The following CFAP47 variants were observed in gnomAD, a reference collection of about 807,000 sequenced individuals.
The protein encoded by CFAP47 is cilia- and flagella-associated protein 47.
CFAP47 carries 29 observed loss-of-function variants against 148.1 expected under a neutral mutation model. The ratio of observed to expected loss-of-function variants is 0.20; its 90% CI spans 0.15 to 0.27. CFAP47 has a LOEUF of 0.27. CFAP47 is among the 10% of genes least tolerant of loss of function. CFAP47 has a pLI of 1.00. For missense variants in CFAP47, 1,872 were observed against 1,697.5 expected (o/e 1.10, Z -1.81); for synonymous variants, 664 against 577.3 (o/e 1.15, Z -2.15).
At chrX:36,368,442 C>T (rs932934645) in intron 62 of CFAP47, among the ~76,000 whole-genome samples, 1 of 110,656 alleles carries the variant, frequency 9.0e-6, no homozygotes, top group Non-Finnish European at 1.9e-5. Context: ...GAGGTAAAGT[C>T]AGTTAAATTT....
At chrX:36,078,815 C>T (rs989660150) in intron 29 of CFAP47, among the ~76,000 whole-genome samples, 21 of 110,458 alleles carry the variant, frequency 1.9e-4, no homozygotes, top group South Asian at 3.9e-4. Flanking sequence ...TGGCTGGTAC[C>T]GGTTGTTCCT....
At chrX:36,347,346 G>A (rs188051633) in intron 57 of CFAP47, among the ~76,000 whole-genome samples, 1 of 112,033 alleles carries the variant, frequency 8.9e-6, no homozygotes, top group Admixed American at 9.4e-5. Context: ...GTATAAATTA[G>A]CTCAACCTTT....
intron 7 of CFAP47, 122 bp downstream of exon 7, chrX:35,953,841 A>T (rs759664415): frequency 2.2e-4 from 105 of 484,253 alleles, no homozygotes; most frequent in Middle Eastern, 2.0e-3. Context: ...AAAAAAAAGC[A>T]AACATGTTCA....
chrX:36,208,582 C>T (rs782388756), intron 45 of CFAP47, among the ~76,000 whole-genome samples: 7 of 111,564 alleles, frequency 6.3e-5, no homozygotes, highest in East Asian at 2.8e-4. Context: ...TCTCATTTTA[C>T]GAAGATTAAA....
intron 30 of CFAP47, among the ~76,000 whole-genome samples, chrX:36,086,061 G>T (rs1255248639): frequency 9.0e-6 from 1 of 111,687 alleles, no homozygotes; most frequent in Non-Finnish European, 1.9e-5. Flanking sequence ...CAATTTATGG[G>T]TACTGTGGAC....
At chrX:36,146,716 A>T (rs1939237822) in intron 36 of CFAP47, among the ~76,000 whole-genome samples, 1 of 111,147 alleles carries the variant, frequency 9.0e-6, no homozygotes, top group African/African-American at 3.3e-5. Flanking sequence ...CAACCCTATC[A>T]ATGTTACAGA....
chrX:36,125,495 A>C (rs1301360144), intron 33 of CFAP47, among the ~76,000 whole-genome samples: 1 of 112,141 alleles, frequency 8.9e-6, no homozygotes, highest in Non-Finnish European at 1.9e-5. Flanking sequence ...AAAAAATCAA[A>C]AGAATTATAA....
chrX:36,141,805 G>A (rs184513547), intron 35 of CFAP47, among the ~76,000 whole-genome samples: 29 of 106,151 alleles, frequency 2.7e-4, no homozygotes, highest in Non-Finnish European at 5.5e-4. Flanking sequence ...CCTACAGAGT[G>A]TTTTAGGACT....
intron 51 of CFAP47, among the ~76,000 whole-genome samples, chrX:36,297,944 C>A (rs1231172004): frequency 9.0e-6 from 1 of 110,510 alleles, no homozygotes; most frequent in East Asian, 2.9e-4. Flanking sequence ...AAAAATCTGT[C>A]TTTTACACTG....
chrX:36,077,959 G>T (rs1937897596), intron 29 of CFAP47, among the ~76,000 whole-genome samples: 1 of 110,862 alleles, frequency 9.0e-6, no homozygotes, highest in Admixed American at 9.6e-5. Flanking sequence ...AACCCATGAG[G>T]CGGAGGTTGC....
intron 8 of CFAP47, among the ~76,000 whole-genome samples, 168 bp from the exon 9 acceptor site, chrX:35,966,397 A>G (rs1431103519): frequency 9.3e-6 from 1 of 107,304 alleles, no homozygotes; most frequent in Admixed American, 1.0e-4. Context: ...AAGAAAAGTA[A>G]TGAATATTTT....
rs782325604 is a variant in CFAP47 at position 36,384,351 on chromosome X, A to C, written c.9355-446A>C. On this transcript the variant is annotated intron_variant, in intron 63 of 63. Coordinates refer to ENST00000378653, the MANE Select transcript of CFAP47 (RefSeq NM_001304548.2). The stretch of plus-strand genomic sequence containing the variant: ...GTGAGACCCTGTCTAAAAAATAAAA[A>C]ATAAAAATAAATAAATAAATAGTTA... Among the ~76,000 whole-genome samples, 12 of 100,693 alleles carry C rather than the reference A, an allele frequency of 1.2e-4. 1 individual carries two copies. The East Asian group carries it at 3.1e-3, about 26-fold the overall frequency. 87.4% of individuals were successfully genotyped at this position (100,693 alleles called of 115,157 possible).
chrX:36,313,476 C>G (rs782819614), intron 56 of CFAP47, among the ~76,000 whole-genome samples: 1 of 111,329 alleles, frequency 9.0e-6, no homozygotes, highest in South Asian at 3.8e-4. Flanking sequence ...AGATTCCTCC[C>G]TTATCACCTG....
chrX:36,209,050 T>A (rs1940071933), intron 45 of CFAP47, among the ~76,000 whole-genome samples: 1 of 112,369 alleles, frequency 8.9e-6, no homozygotes, highest in Non-Finnish European at 1.9e-5. Flanking sequence ...CTGTATCATA[T>A]GGAATAACCA....
chrX:35,976,964 A>G (rs1254427764), intron 15 of CFAP47, among the ~76,000 whole-genome samples: 2 of 111,843 alleles, frequency 1.8e-5, no homozygotes, highest in African/African-American at 6.5e-5. Flanking sequence ...CGTAACTGCT[A>G]AACTGTGACT....
At chrX:36,247,198 G>C (rs1940626509) in intron 48 of CFAP47, among the ~76,000 whole-genome samples, 2 of 111,421 alleles carry the variant, frequency 1.8e-5, no homozygotes, top group Non-Finnish European at 3.8e-5. Context: ...ACTGCAATTT[G>C]TCACTTACAG....
chrX:35,991,922 A>G lies in CFAP47; in HGVS notation c.2946A>G (p.Gly982=). The part of the protein sequence containing the change: ...TWRKAILQNV[G]QNHAYFKVCS... ...GGAAAGCCATTCTTCAAAATGTAGG[A>G]CAAAACCATGCTTATTTCAAGGTAA... Residue 982 remains glycine, a synonymous_variant, in exon 17 of 64, where the codon GGA becomes GGG. Transcript: ENST00000378653. 1 of 296,379 alleles carries G rather than the reference A, an allele frequency of 3.4e-6. No individual in the cohort carries two copies. Among genetic ancestry groups the G allele is most frequent in the East Asian group, 4.8e-5 (1 of 20,908 alleles). The allele number at this position is 296,379 out of a possible 1,213,427, so 24.4% of individuals were successfully genotyped here.
intron 35 of CFAP47, among the ~76,000 whole-genome samples, chrX:36,144,110 T>A (rs1939190438): frequency 8.9e-6 from 1 of 112,260 alleles, no homozygotes; most frequent in African/African-American, 3.2e-5. Flanking sequence ...TTTCCTCACA[T>A]CAAATACATA....
At chrX:36,327,472 G>A (rs186318703) in intron 57 of CFAP47, among the ~76,000 whole-genome samples, 28 of 111,974 alleles carry the variant, frequency 2.5e-4, no homozygotes, top group African/African-American at 8.7e-4. Context: ...AATATCTGAT[G>A]CTGGCATGGT....
Sources: gnomAD v4.1 joint callset for allele counts (sites outside exome capture counted in the v4.1 genomes callset) on GRCh38, gnomAD v4.1.1 for gene constraint, MANE v1.5 for transcripts, NCBI Gene and HGNC (gene_info 2026-07-23, HGNC 2026-07-21) for gene names.